Variants in SH3BGRL observed in about 807,000 individuals in gnomAD.
The protein encoded by SH3BGRL is SH3 domain binding glutamate rich protein like.
SH3BGRL carries 7 observed loss-of-function variants against 9.8 expected under a neutral mutation model. The observed-to-expected ratio is 0.72, with a 90% CI of 0.41 to 1.35. The LOEUF (loss-of-function observed/expected upper bound fraction) is 1.35, where lower values mean the gene tolerates loss of function less well. Ranked by LOEUF, SH3BGRL falls within the 40% of genes most tolerant of loss-of-function variation. The probability of loss-of-function intolerance (pLI) is 0.01; values close to 1 mark genes in which losing one functional copy is unlikely to be tolerated. For synonymous variants in SH3BGRL, 36 were observed against 29.1 expected, an observed-to-expected ratio of 1.24 and a Z score of -0.76; for missense variants, 73 against 84.4, an observed-to-expected ratio of 0.86 and a Z score of 0.53.
chrX:81,297,111 A>G lies in SH3BGRL; in HGVS notation c.313-84A>G, dbSNP rs1041841039. On this transcript the variant is annotated intron_variant, in intron 3 of 3. Coordinates refer to ENST00000373212, the MANE Select transcript of SH3BGRL (RefSeq NM_003022.3). ...GCTTTTGTTTATTCTTAGTAGTTGG[A>G]ACTAATGTAGTCTGACTAAAATACA... The G allele has an allele frequency of 4.6e-5, 36 of 784,459 alleles. No homozygotes were observed. In the South Asian group the frequency reaches 7.9e-4, roughly 17 times the overall value. 64.6% of individuals were successfully genotyped at this position (784,459 alleles called of 1,213,427 possible). A position where few individuals can be genotyped will look rare whatever the true frequency, so the allele number is the denominator to read the frequency against.
At chrX:81,279,144 C>G (rs1207471282) in intron 3 of SH3BGRL, among the ~76,000 whole-genome samples, 1 of 112,142 alleles carries the variant, frequency 8.9e-6, no homozygotes, top group Admixed American at 9.4e-5. Context: ...AATTCCCTCT[C>G]CTATTTTAAA....
chrX:81,279,407 A>C (rs1170735116), intron 3 of SH3BGRL, among the ~76,000 whole-genome samples: 1 of 111,116 alleles, frequency 9.0e-6, no homozygotes, highest in Non-Finnish European at 1.9e-5. Flanking sequence ...TTAGCCCCAA[A>C]TAGACTGCAA....
At chrX:81,280,964 T>A (rs1324393217) in intron 3 of SH3BGRL, among the ~76,000 whole-genome samples, 3 of 109,896 alleles carry the variant, frequency 2.7e-5, no homozygotes, top group Non-Finnish European at 5.7e-5. Context: ...AAATAGACAG[T>A]GTAAGGAAAA....
chrX:81,222,001 G>A (rs2075601315), intron 1 of SH3BGRL, among the ~76,000 whole-genome samples: 1 of 111,419 alleles, frequency 9.0e-6, no homozygotes, highest in Admixed American at 9.5e-5. Context: ...TTTGTGAATT[G>A]TCCCAGAAAT....
At chrX:81,290,812 G>C in intron 3 of SH3BGRL, among the ~76,000 whole-genome samples, 1 of 110,668 alleles carries the variant, frequency 9.0e-6, no homozygotes, top group Admixed American at 9.6e-5. Context: ...TTGCATGCCT[G>C]TATCAAAACA....
intron 3 of SH3BGRL, among the ~76,000 whole-genome samples, chrX:81,292,680 A>G (rs777534282): frequency 3.6e-5 from 4 of 111,733 alleles, no homozygotes; most frequent in African/African-American, 6.5e-5. Flanking sequence ...AACTTTTATT[A>G]TCTGCTTCCC....
chrX:81,266,592 T>C (rs2075757886), intron 1 of SH3BGRL, among the ~76,000 whole-genome samples: 1 of 111,985 alleles, frequency 8.9e-6, no homozygotes, highest in African/African-American at 3.2e-5. Context: ...AGTACCATTC[T>C]GTTTTGGTTA....
intron 1 of SH3BGRL, among the ~76,000 whole-genome samples, chrX:81,246,554 T>G (rs916170808): frequency 2.7e-5 from 3 of 112,003 alleles, no homozygotes; most frequent in Admixed American, 9.5e-5. Context: ...AAACATTTAT[T>G]GAATAGGAAG....
chrX:81,273,053 T>G (rs2075786309), intron 1 of SH3BGRL, among the ~76,000 whole-genome samples: 1 of 112,525 alleles, frequency 8.9e-6, no homozygotes, highest in African/African-American at 3.2e-5. Context: ...CAAGTTTATT[T>G]TGTAATACTG....
rs778627735 is a variant in SH3BGRL, at chrX:81,291,690, C to T, written c.313-5505C>T. On this transcript the variant is annotated intron_variant, in intron 3 of 3. Coordinates refer to ENST00000373212, the MANE Select transcript of SH3BGRL (RefSeq NM_003022.3). ...AAGTCTCATTTGAGATGAGGCAAGT[C>T]CATTTTTCCTATAAGCCTGTAAAAT... Among the ~76,000 whole-genome samples the T allele has an allele frequency of 1.5e-3, 166 of 111,777 alleles. 1 individual carries two copies. Among genetic ancestry groups the T allele is most frequent in the African/African-American group, 4.9e-3 (151 of 30,743 alleles).
intron 1 of SH3BGRL, among the ~76,000 whole-genome samples, chrX:81,238,826 G>GAA (rs1491221038): frequency 9.2e-6 from 1 of 109,126 alleles, no homozygotes; most frequent in Non-Finnish European, 1.9e-5. Context: ...GAGAGAGAGA[G>GAA]GGAGAGAGAG....
chrX:81,280,726 A>G (rs2075814059), intron 3 of SH3BGRL, among the ~76,000 whole-genome samples: 1 of 111,943 alleles, frequency 8.9e-6, no homozygotes, highest in Non-Finnish European at 1.9e-5. Context: ...AGAAGGAACC[A>G]GAAAACCAAC....
chrX:81,261,344 T>C (rs771729753), intron 1 of SH3BGRL, among the ~76,000 whole-genome samples: 34 of 111,667 alleles, frequency 3.0e-4, no homozygotes, highest in African/African-American at 8.8e-4. Flanking sequence ...GTGCCTGCTA[T>C]AGCTATTATC....
chrX:81,218,798 TAG>T (rs2075590378), intron 1 of SH3BGRL, among the ~76,000 whole-genome samples: 2 of 78,962 alleles, frequency 2.5e-5, no homozygotes, highest in Non-Finnish European at 5.6e-5. Context: ...TATGTATATA[TAG>T]ATATAGATAT....
intron 3 of SH3BGRL, among the ~76,000 whole-genome samples, chrX:81,289,628 C>T (rs937352582): frequency 6.3e-5 from 7 of 111,199 alleles, no homozygotes; most frequent in African/African-American, 1.6e-4. Flanking sequence ...GAGACTAAGA[C>T]GGGCAGATCA....
At chrX:81,236,849 G>C (rs1251746018) in intron 1 of SH3BGRL, among the ~76,000 whole-genome samples, 1 of 109,068 alleles carries the variant, frequency 9.2e-6, no homozygotes, top group African/African-American at 3.3e-5. Context: ...AGTCCAGTAA[G>C]TTTTGTTGTG....
chrX:81,206,444 G>C (rs1189796796), intron 1 of SH3BGRL, among the ~76,000 whole-genome samples: 4 of 111,563 alleles, frequency 3.6e-5, no homozygotes, highest in Non-Finnish European at 7.5e-5. Context: ...CAGTATACAG[G>C]TTCAAAGAGT....
intron 1 of SH3BGRL, among the ~76,000 whole-genome samples, chrX:81,248,917 T>C (rs2075699780): frequency 9.0e-6 from 1 of 111,410 alleles, no homozygotes. Context: ...ACTTTTATTT[T>C]TTCTCACCTT....
rs549337728 is a variant in SH3BGRL at position 81,204,058 on chromosome X, T to C, written c.45+1813T>C. ...GCCTTCCTCCCTCCCTCCTCTGTAG[T>C]CTTCAGTGTCTATTCTTCCCATCTT... On this transcript the variant is annotated intron_variant, in intron 1 of 3. Transcript: ENST00000373212. Among the ~76,000 whole-genome samples the C allele has an allele frequency of 3.6e-4, 40 of 111,734 alleles. No individual in the cohort carries two copies. In the South Asian group the frequency reaches 0.014, roughly 40 times the overall value.
Sources: allele counts gnomAD v4.1 joint callset (sites outside exome capture counted in the v4.1 genomes callset), GRCh38; gene constraint gnomAD v4.1.1; transcripts MANE v1.5; gene names NCBI Gene and HGNC (gene_info 2026-07-23, HGNC 2026-07-21).